Variants in SLC39A11 observed in about 807,000 individuals in gnomAD.
The protein encoded by SLC39A11 is solute carrier family 39 member 11, also known as zinc transporter ZIP11.
In SLC39A11, 33 loss-of-function variants were observed where a neutral mutation model predicts 36.1. That is an observed-to-expected ratio of 0.91 (90% CI 0.69 to 1.22). SLC39A11 has a LOEUF of 1.22. Ranked by LOEUF, SLC39A11 falls within the 50% of genes most tolerant of loss-of-function variation. The pLI, the probability that SLC39A11 is intolerant of heterozygous loss-of-function variation, is 0.00. For synonymous variants in SLC39A11, 166 were observed against 170.3 expected (o/e 0.97, Z 0.20); for missense variants, 432 against 430.3 (o/e 1.00, Z -0.03).
rs112073663 is a variant in SLC39A11, at chr17:72,888,845, T to C, written c.431-39041A>G. ...TAAGCCCATGAGTTCAAGACTGCAG[T>C]GAGCTATGATTGTGGCCCTACACTC... is the stretch of plus-strand genomic sequence containing the variant. On this transcript the variant is annotated intron_variant, in intron 5 of 9. Coordinates refer to ENST00000255559, the MANE Select transcript of SLC39A11 (RefSeq NM_139177.4). Among the ~76,000 whole-genome samples, 1,222 of 151,942 alleles carry C rather than the reference T, an allele frequency of 8.0e-3. 11 individuals are homozygous for C. The highest frequency in any genetic ancestry group is 0.028 in the African/African-American group (1,152 of 41,452).
intron 6 of SLC39A11, among the ~76,000 whole-genome samples, chr17:72,816,772 CAAAT>C (rs1403488739): frequency 6.6e-6 from 1 of 152,138 alleles, no homozygotes; most frequent in East Asian, 1.9e-4. Flanking sequence ...GGGGAGCGTT[CAAAT>C]AAATAATCAT....
chr17:72,740,056 CTT>C (rs386386565), intron 6 of SLC39A11, among the ~76,000 whole-genome samples: 50 of 81,466 alleles, frequency 6.1e-4, no homozygotes, highest in African/African-American at 1.7e-3. Context: ...CTTTCCTTTT[CTT>C]TTTTTTTTTT....
chr17:73,026,715 G>T (rs188931993), intron 4 of SLC39A11, among the ~76,000 whole-genome samples: 1 of 151,866 alleles, frequency 6.6e-6, no homozygotes, highest in African/African-American at 2.4e-5. Flanking sequence ...GTATTGATGC[G>T]ACGCTAACAT....
At chr17:72,992,424 C>T (rs1478360377) in intron 4 of SLC39A11, among the ~76,000 whole-genome samples, 2 of 152,112 alleles carry the variant, frequency 1.3e-5, no homozygotes, top group Non-Finnish European at 2.9e-5. Context: ...TGAAACTGGG[C>T]ATCTTTTCAT....
At chr17:72,738,884 C>A (rs2074547788) in intron 6 of SLC39A11, among the ~76,000 whole-genome samples, 2 of 152,108 alleles carry the variant, frequency 1.3e-5, no homozygotes, top group South Asian at 2.1e-4. Flanking sequence ...GGAATTGTGA[C>A]ACTGACTCCA....
intron 3 of SLC39A11, among the ~76,000 whole-genome samples, chr17:73,066,428 A>C (rs760378153): frequency 8.6e-5 from 13 of 151,986 alleles, no homozygotes; most frequent in Admixed American, 2.0e-4. Context: ...TTCTAACCAT[A>C]CTCCACATTT....
At chr17:72,776,065 G>A (rs888035957) in intron 6 of SLC39A11, among the ~76,000 whole-genome samples, 6 of 152,188 alleles carry the variant, frequency 3.9e-5, no homozygotes, top group Admixed American at 3.3e-4. Context: ...GAATACAGAT[G>A]GGCAGACCCC....
At chr17:73,041,667 G>A in intron 3 of SLC39A11, among the ~76,000 whole-genome samples, 1 of 152,224 alleles carries the variant, frequency 6.6e-6, no homozygotes, top group Non-Finnish European at 1.5e-5. Context: ...TCCAATGCGA[G>A]TAAAGAATCC....
At chr17:72,843,754 T>A (rs2078923972) in intron 6 of SLC39A11, among the ~76,000 whole-genome samples, 1 of 152,146 alleles carries the variant, frequency 6.6e-6, no homozygotes, top group African/African-American at 2.4e-5. Flanking sequence ...CATCCTCTTG[T>A]GAGATGGTGT....
At chr17:73,018,627 T>C (rs886521068) in intron 4 of SLC39A11, among the ~76,000 whole-genome samples, 3 of 152,130 alleles carry the variant, frequency 2.0e-5, no homozygotes, top group African/African-American at 7.2e-5. Context: ...AATAGGGCTA[T>C]TGCAGTCCTC....
chr17:72,932,264 C>T (rs2084443527), intron 5 of SLC39A11, among the ~76,000 whole-genome samples: 1 of 138,072 alleles, frequency 7.2e-6, no homozygotes, highest in Non-Finnish European at 1.5e-5. Flanking sequence ...TTTATCTTTC[C>T]TCTTCTACCT....
chr17:73,047,986 A>ACATATAT (rs1333233275), intron 3 of SLC39A11, among the ~76,000 whole-genome samples: 1 of 42,238 alleles, frequency 2.4e-5, no homozygotes, highest in African/African-American at 7.3e-5. Flanking sequence ...AAAAAAAAAA[A>ACATATAT]AAAAATATAT....
At chr17:72,794,944 G>A (rs2145135016) in intron 6 of SLC39A11, among the ~76,000 whole-genome samples, 1 of 152,264 alleles carries the variant, frequency 6.6e-6, no homozygotes. Flanking sequence ...CACTGGATAT[G>A]AGGGATGAAT....
intron 5 of SLC39A11, among the ~76,000 whole-genome samples, chr17:72,905,703 A>G (rs1254438589): frequency 6.6e-6 from 1 of 151,060 alleles, no homozygotes; most frequent in South Asian, 2.1e-4. Flanking sequence ...CCCAACATCT[A>G]CTGTCAACCC....
At chr17:72,803,031 C>T (rs2077146039) in intron 6 of SLC39A11, among the ~76,000 whole-genome samples, 1 of 152,284 alleles carries the variant, frequency 6.6e-6, no homozygotes, top group Non-Finnish European at 1.5e-5. Flanking sequence ...ACCCACCGTC[C>T]TTTCTATCAA....
At chr17:72,955,486 T>TTC in intron 4 of SLC39A11, among the ~76,000 whole-genome samples, 1 of 149,586 alleles carries the variant, frequency 6.7e-6, no homozygotes, top group Non-Finnish European at 1.5e-5. Flanking sequence ...TTTTTTTTTT[T>TTC]TCAGTAGAGA....
chr17:72,706,970 T>C (rs2072918211), intron 7 of SLC39A11, among the ~76,000 whole-genome samples: 1 of 152,214 alleles, frequency 6.6e-6, no homozygotes, highest in East Asian at 1.9e-4. Flanking sequence ...CTCTATCCAA[T>C]ATGGTAGCCA....
chr17:72,858,333 A>G (rs1033391259), intron 5 of SLC39A11, among the ~76,000 whole-genome samples: 2 of 152,036 alleles, frequency 1.3e-5, no homozygotes, highest in Non-Finnish European at 2.9e-5. Flanking sequence ...CCATTAGTCT[A>G]TGTGTCTGTT....
chr17:72,777,844 T>C (rs1238294479), intron 6 of SLC39A11, among the ~76,000 whole-genome samples: 1 of 149,332 alleles, frequency 6.7e-6, no homozygotes, highest in East Asian at 1.9e-4. Context: ...TTACGTACAC[T>C]GTGTGTATGT....
Sources: allele counts gnomAD v4.1 joint callset (sites outside exome capture counted in the v4.1 genomes callset), GRCh38; gene constraint gnomAD v4.1.1; transcripts MANE v1.5; gene names NCBI Gene and HGNC (gene_info 2026-07-23, HGNC 2026-07-21).